Variants in TBC1D5 observed in about 807,000 individuals in gnomAD.
TBC1D5 encodes TBC1 domain family member 5, also known as TBC1 domain family, member 5.
TBC1D5 carries 75 observed loss-of-function variants against 100.3 expected under a neutral mutation model. The observed-to-expected ratio is 0.75, with a 90% CI of 0.62 to 0.91. TBC1D5 has a LOEUF of 0.91. Ranked by LOEUF, TBC1D5 falls within the 40% of genes least tolerant of loss-of-function variation. The pLI is 0.00. For synonymous variants in TBC1D5, 323 were observed against 325.6 expected (o/e 0.99, Z 0.09); for missense variants, 910 against 942.4 (o/e 0.97, Z 0.45).
chr3:17,384,125 C>T lies in TBC1D5; in HGVS notation c.510-110G>A, dbSNP rs2093056537. On this transcript the variant is annotated intron_variant, in intron 8 of 21. Coordinates refer to ENST00000253692, the Ensembl canonical transcript of TBC1D5. ...GGCTGCTTCAGGTTTTAGAACAAGCCTGTGTTTGCCATGTAACTTATGCCT... is the reference window on the plus strand; with the variant it reads ...GGCTGCTTCAGGTTTTAGAACAAGCTTGTGTTTGCCATGTAACTTATGCCT... 4.6e-6 allele frequency: 4 copies of T among 878,076 alleles called. No homozygotes were observed. The South Asian group carries it at 6.2e-5, about 14-fold the overall frequency. 54.4% of individuals were successfully genotyped at this position (878,076 alleles called of 1,614,324 possible).
At chr3:17,158,563 C>T (rs537309910) in exon 22 of TBC1D5, 11 of 152,326 alleles carry the variant, frequency 7.2e-5, no homozygotes, top group African/African-American at 2.6e-4. Flanking sequence ...CTACCCATGA[C>T]CCACTGTCCT....
intron 2 of TBC1D5, among the ~76,000 whole-genome samples, chr3:17,592,256 G>A (rs145248925): frequency 1.2e-3 from 178 of 152,260 alleles, no homozygotes; most frequent in African/African-American, 3.9e-3. Flanking sequence ...TTTTGCTTCC[G>A]TAAGATATCA....
chr3:17,299,934 TG>T (rs753748262), intron 14 of TBC1D5, among the ~76,000 whole-genome samples: 11 of 149,272 alleles, frequency 7.4e-5, no homozygotes, highest in Non-Finnish European at 1.2e-4. Context: ...TATGGGTATC[TG>T]GGGGAGTGGG....
intron 1 of TBC1D5, among the ~76,000 whole-genome samples, chr3:17,673,313 T>TTTC (rs1396704812): frequency 5.0e-5 from 7 of 139,178 alleles, no homozygotes; most frequent in Non-Finnish European, 9.4e-5. Flanking sequence ...TTTCTTTTCT[T>TTTC]TTTTTTTTTT....
At chr3:17,410,427 G>A (rs1019984131) in intron 4 of TBC1D5, among the ~76,000 whole-genome samples, 3 of 152,150 alleles carry the variant, frequency 2.0e-5, no homozygotes, top group African/African-American at 7.2e-5. Flanking sequence ...TGCGGCCCAT[G>A]AAGTGGGGAG....
At chr3:17,572,340 A>T (rs1219292907) in intron 2 of TBC1D5, among the ~76,000 whole-genome samples, 2 of 151,428 alleles carry the variant, frequency 1.3e-5, no homozygotes, top group Non-Finnish European at 2.9e-5. Context: ...GTACAAACTA[A>T]TCCCTCCACT....
chr3:17,582,526 T>C (rs1487582708), intron 2 of TBC1D5, among the ~76,000 whole-genome samples: 1 of 151,810 alleles, frequency 6.6e-6, no homozygotes, highest in African/African-American at 2.4e-5. Context: ...TGAAAAGAAA[T>C]CTCCGAAAGA....
In TBC1D5 at chr3:17,210,199, T is replaced by C. The variant is rs867503436; in HGVS notation, c.1752+4008A>G. ...TAATTTTTTTTCAGAACTTTTTTTT[T>C]TTTTTTGAGACGGATTCTTGCTCTG... On this transcript the variant is annotated intron_variant, in intron 18 of 21. Transcript: ENST00000253692. Among the ~76,000 whole-genome samples, 1,395 of 152,210 alleles carry C rather than the reference T, an allele frequency of 9.2e-3. 22 individuals carry two copies. The highest frequency in any genetic ancestry group is 0.031 in the African/African-American group (1,304 of 41,520).
At chr3:17,176,970 C>CACTG (rs577842090) in intron 19 of TBC1D5, among the ~76,000 whole-genome samples, 27 of 152,216 alleles carry the variant, frequency 1.8e-4, no homozygotes, top group Non-Finnish European at 3.7e-4. Flanking sequence ...CCAAGGCAGC[C>CACTG]ACTGGGGGCC....
At chr3:17,656,294 A>T (rs9857910) in intron 1 of TBC1D5, among the ~76,000 whole-genome samples, 91,151 of 151,902 alleles carry the variant, frequency 0.6, 28,017 homozygotes, top group East Asian at 0.99. Flanking sequence ...AACCTGGTTC[A>T]TTTGAAAGGA....
At chr3:17,623,393 G>A (rs535897801) in intron 2 of TBC1D5, among the ~76,000 whole-genome samples, 1 of 152,256 alleles carries the variant, frequency 6.6e-6, no homozygotes, top group South Asian at 2.1e-4. Flanking sequence ...CTGAAGATTT[G>A]ATTCTTCCAT....
intron 16 of TBC1D5, among the ~76,000 whole-genome samples, chr3:17,240,124 C>G (rs1417124688): frequency 1.3e-5 from 2 of 152,136 alleles, no homozygotes; most frequent in African/African-American, 4.8e-5. Flanking sequence ...TAAAACAGAA[C>G]AGATCCATAG....
At chr3:17,291,821 T>A (rs2081773936) in intron 15 of TBC1D5, 74 bp downstream of exon 15, 1 of 1,353,388 alleles carries the variant, frequency 7.4e-7, no homozygotes, top group South Asian at 1.3e-5. Context: ...ACATTTGGAA[T>A]TCTTAGACTC....
intron 1 of TBC1D5, among the ~76,000 whole-genome samples, chr3:17,625,899 T>C (rs947662024): frequency 1.3e-5 from 2 of 152,150 alleles, no homozygotes; most frequent in African/African-American, 4.8e-5. Context: ...ATCTTCCTTT[T>C]AGAATTATTT....
intron 1 of TBC1D5, among the ~76,000 whole-genome samples, chr3:17,736,689 C>T (rs1197964082): frequency 1.3e-5 from 2 of 152,150 alleles, no homozygotes; most frequent in Non-Finnish European, 2.9e-5. Context: ...GCTGCTGGGA[C>T]ACCTCCAAAG....
At chr3:17,474,510 CA>C (rs2095415512) in intron 3 of TBC1D5, among the ~76,000 whole-genome samples, 2 of 148,478 alleles carry the variant, frequency 1.3e-5, no homozygotes, top group South Asian at 4.6e-4. Context: ...ATTCTCTATC[CA>C]AAAGGAAAAA....
intron 16 of TBC1D5, among the ~76,000 whole-genome samples, chr3:17,243,525 TA>T (rs2076478405): frequency 6.6e-6 from 1 of 151,936 alleles, no homozygotes; most frequent in South Asian, 2.1e-4. Context: ...AAAACAGTAG[TA>T]AGAGCAAAAA....
At chr3:17,338,912 GATTTCT>G (rs2088395425) in intron 13 of TBC1D5, among the ~76,000 whole-genome samples, 1 of 152,162 alleles carries the variant, frequency 6.6e-6, no homozygotes, top group African/African-American at 2.4e-5. Context: ...AAGATGGGCA[GATTTCT>G]ATCCCTGCCT....
intron 3 of TBC1D5, among the ~76,000 whole-genome samples, chr3:17,446,605 C>T (rs1348706439): frequency 6.6e-6 from 1 of 152,196 alleles, no homozygotes; most frequent in African/African-American, 2.4e-5. Flanking sequence ...GAACTAGAAA[C>T]ACTTGAAAGT....
Sources: gnomAD v4.1 joint callset for allele counts (sites outside exome capture counted in the v4.1 genomes callset) on GRCh38, gnomAD v4.1.1 for gene constraint, MANE v1.5 for transcripts, NCBI Gene and HGNC (gene_info 2026-07-23, HGNC 2026-07-21) for gene names.